The following WRN variants were observed in gnomAD, a reference collection of about 807,000 sequenced individuals.
WRN encodes bifunctional 3'-5' exonuclease/ATP-dependent helicase WRN.
WRN carries 149 observed loss-of-function variants against 180.7 expected under a neutral mutation model. The observed-to-expected ratio is 0.82, with a 90% CI of 0.72 to 0.94. WRN has a LOEUF of 0.94. Ranked by LOEUF, WRN falls within the 40% of genes least tolerant of loss-of-function variation. WRN has a pLI of 0.00. For missense variants in WRN, 1,661 were observed against 1,700.1 expected (o/e 0.98, Z 0.40); for synonymous variants, 548 against 568.9 (o/e 0.96, Z 0.52).
chr8:31,091,072 T>C, intron 15 of WRN, 130 bp downstream of exon 15: 1 of 756,392 alleles, frequency 1.3e-6, no homozygotes, highest in South Asian at 1.5e-5. Flanking sequence ...TTATCTTTAT[T>C]GGTAATAAAT....
chr8:31,163,321 G>A (rs947447556), intron 33 of WRN, among the ~76,000 whole-genome samples: 2 of 152,186 alleles, frequency 1.3e-5, no homozygotes, highest in Non-Finnish European at 2.9e-5. Context: ...TTTAAATCAT[G>A]TAGGCACAAA....
At chr8:31,129,116 A>G (rs1401522496) in intron 23 of WRN, among the ~76,000 whole-genome samples, 2 of 152,132 alleles carry the variant, frequency 1.3e-5, no homozygotes, top group African/African-American at 4.8e-5. Flanking sequence ...CCAAGTAGCT[A>G]CAGGCATGCA....
intron 7 of WRN, among the ~76,000 whole-genome samples, chr8:31,074,262 A>G (rs985383074): frequency 3.9e-5 from 6 of 151,946 alleles, no homozygotes; most frequent in African/African-American, 1.5e-4. Flanking sequence ...TGCTCTACTG[A>G]TTTGGGTAAA....
At chr8:31,109,793 C>T (rs1011656853) in intron 18 of WRN, among the ~76,000 whole-genome samples, 1 of 152,132 alleles carries the variant, frequency 6.6e-6, no homozygotes, top group African/African-American at 2.4e-5. Context: ...CTCAAAATCT[C>T]ACATCTAGTA....
intron 18 of WRN, among the ~76,000 whole-genome samples, chr8:31,107,338 G>A (rs543839900): frequency 2.0e-5 from 3 of 152,230 alleles, no homozygotes; most frequent in South Asian, 2.1e-4. Context: ...GATTCTAGAA[G>A]GATTGTGTTA....
intron 33 of WRN, among the ~76,000 whole-genome samples, chr8:31,164,845 A>T (rs1217746195): frequency 6.6e-6 from 1 of 152,160 alleles, no homozygotes; most frequent in African/African-American, 2.4e-5. Context: ...TGCAGTAGAT[A>T]TTTTCAGCAC....
intron 34 of WRN, among the ~76,000 whole-genome samples, chr8:31,169,399 A>G (rs1159063778): frequency 6.6e-6 from 1 of 151,874 alleles, no homozygotes; most frequent in Non-Finnish European, 1.5e-5. Flanking sequence ...AGACTTCTAT[A>G]ATTTTTTTCT....
At chr8:31,149,736 A>T (rs1453501729) in intron 30 of WRN, among the ~76,000 whole-genome samples, 2 of 151,940 alleles carry the variant, frequency 1.3e-5, no homozygotes, top group Non-Finnish European at 2.9e-5. Context: ...CGGCCTCCCA[A>T]ATTGTTGGGA....
chr8:31,057,142 G>A (rs1391038013), intron 1 of WRN, among the ~76,000 whole-genome samples: 1 of 152,148 alleles, frequency 6.6e-6, no homozygotes, highest in Non-Finnish European at 1.5e-5. Context: ...GATAGTTGCT[G>A]CATATTGTTT....
At chr8:31,037,286 C>T (rs1811486538) in intron 1 of WRN, among the ~76,000 whole-genome samples, 1 of 152,174 alleles carries the variant, frequency 6.6e-6, no homozygotes, top group African/African-American at 2.4e-5. Flanking sequence ...AATCTAATGC[C>T]ACCGTTGATG....
chr8:31,065,143 A>G, intron 5 of WRN, 80 bp downstream of exon 5: 1 of 1,466,788 alleles, frequency 6.8e-7, no homozygotes, highest in South Asian at 1.3e-5. Flanking sequence ...TGAATGTTAG[A>G]TTTTTTTTTG....
At chr8:31,094,186 G>A (rs911971887) in intron 16 of WRN, among the ~76,000 whole-genome samples, 1 of 152,078 alleles carries the variant, frequency 6.6e-6, no homozygotes, top group Admixed American at 6.6e-5. Context: ...AAAATTCACA[G>A]AACATAACTT....
In WRN at chr8:31,173,502, G is replaced by A. The variant is rs1482449572; in HGVS notation, c.*400G>A. The A allele has an allele frequency of 5.2e-6, 1 of 192,926 alleles. No homozygotes were observed. The highest frequency in any genetic ancestry group is 1.1e-5 in the Non-Finnish European group (1 of 92,384). 12.0% of individuals were successfully genotyped at this position (192,926 alleles called of 1,614,324 possible). ...TCATATATTATCAAAATTCTGTTTT[G>A]TAAATGTAAGAAAGCATAGTTATTT... is the stretch of plus-strand genomic sequence containing the variant. On this transcript the variant is annotated 3_prime_UTR_variant, in exon 35 of 35. Transcript: ENST00000298139.
At chr8:31,097,058 A>G (rs1192013260) in intron 17 of WRN, among the ~76,000 whole-genome samples, 3 of 152,180 alleles carry the variant, frequency 2.0e-5, no homozygotes, top group Non-Finnish European at 4.4e-5. Flanking sequence ...AGGCTCTGTT[A>G]TCATAATTAC....
At chr8:31,051,864 T>G (rs1246947090) in intron 1 of WRN, among the ~76,000 whole-genome samples, 2 of 152,230 alleles carry the variant, frequency 1.3e-5, no homozygotes, top group Middle Eastern at 3.2e-3. Flanking sequence ...GTGGGTCATG[T>G]TTGACTTGCT....
Position 31,152,689 on chromosome 8 carries a change from T to C in WRN, c.3688-1935T>C, listed in dbSNP as rs1585530918. On this transcript the variant is annotated intron_variant, in intron 31 of 34. Transcript: ENST00000298139. ...AGATTTGAATATTATAGTTTAATTGTCAAGGAAAATGCCTCAACTTAATCT... is the reference window on the plus strand; with the variant it reads ...AGATTTGAATATTATAGTTTAATTGCCAAGGAAAATGCCTCAACTTAATCT... Among the ~76,000 whole-genome samples, 3 of 152,330 alleles carry C rather than the reference T, an allele frequency of 2.0e-5. No individual in the cohort carries two copies. In the South Asian group the frequency reaches 6.2e-4, roughly 32 times the overall value.
intron 23 of WRN, among the ~76,000 whole-genome samples, chr8:31,131,958 CTT>C (rs71208103): frequency 0.4 from 48,869 of 122,510 alleles, 7,604 homozygotes; most frequent in East Asian, 0.58. Context: ...AGCTGAAAGG[CTT>C]TTTTTTTTTT....
chr8:31,087,129 TA>T (rs1813565670), intron 11 of WRN, among the ~76,000 whole-genome samples: 1 of 152,190 alleles, frequency 6.6e-6, no homozygotes, highest in Non-Finnish European at 1.5e-5. Context: ...AACTGTAGTT[TA>T]ATAAAGTCTT....
At position 31,141,289 on chromosome 8, in the gene WRN, C is replaced by T. The variant is rs922981622; in HGVS notation, c.2968-141C>T. The T allele has an allele frequency of 7.2e-6, 7 of 968,694 alleles. No homozygotes were observed. The African/African-American group carries it at 9.8e-5, about 14-fold the overall frequency. The allele number at this position is 968,694 out of a possible 1,614,324, so 60.0% of individuals were successfully genotyped here. ...TTGTGAGTGGAGTGTTCAGAATGAG[C>T]ACGATGGGTATAACATTTTTGTAGG... On this transcript the variant is annotated intron_variant, in intron 24 of 34. Coordinates refer to ENST00000298139, the MANE Select transcript of WRN (RefSeq NM_000553.6).
Sources: gnomAD v4.1 joint callset for allele counts (sites outside exome capture counted in the v4.1 genomes callset) on GRCh38, gnomAD v4.1.1 for gene constraint, MANE v1.5 for transcripts, NCBI Gene and HGNC (gene_info 2026-07-23, HGNC 2026-07-21) for gene names.